CDKL3: variants seen among roughly 807,000 people sequenced by gnomAD.
CDKL3 encodes the protein cyclin dependent kinase like 3, also known as cyclin-dependent kinase-like 3.
A neutral mutation model predicts 69.3 loss-of-function variants in CDKL3; 65 were observed. That is an observed-to-expected ratio of 0.94 (90% CI 0.77 to 1.15). The LOEUF is 1.15. CDKL3 is among the 50% of genes most tolerant of loss of function. The pLI is 0.00. For synonymous variants in CDKL3, 202 were observed against 221.6 expected, an observed-to-expected ratio of 0.91 and a Z score of 0.79; for missense variants, 652 against 689.2, an observed-to-expected ratio of 0.95 and a Z score of 0.61.
chr5:134,355,254 A>AG, intron 3 of CDKL3, among the ~76,000 whole-genome samples: 1 of 151,960 alleles, frequency 6.6e-6, no homozygotes, highest in East Asian at 1.9e-4. Context: ...AAAAAAAAAA[A>AG]AACAGATATA....
chr5:134,334,715 G>A (rs1349670280), intron 4 of CDKL3, among the ~76,000 whole-genome samples: 1 of 152,186 alleles, frequency 6.6e-6, no homozygotes, highest in African/African-American at 2.4e-5. Context: ...CATTTGCTGA[G>A]GAGTGTTTTA....
chr5:134,285,832 T>C (rs1049331114), downstream of CDKL3, among the ~76,000 whole-genome samples: 1 of 152,236 alleles, frequency 6.6e-6, no homozygotes, highest in Non-Finnish European at 1.5e-5. Context: ...GCTTAGAAAT[T>C]TCTTCCACCA....
At chr5:134,333,719 A>G (rs1311505074) in intron 4 of CDKL3, among the ~76,000 whole-genome samples, 2 of 152,192 alleles carry the variant, frequency 1.3e-5, no homozygotes, top group Non-Finnish European at 2.9e-5. Flanking sequence ...GTTTGCCAGT[A>G]TTTTATTGAG....
Position 134,336,779 on chromosome 5 carries a change from G to A in CDKL3, c.539+13470C>T, listed in dbSNP as rs539531430. 3.3e-5 allele frequency among the ~76,000 whole-genome samples: 5 copies of A among 152,310 alleles called. No individual in the cohort carries two copies. In the South Asian group the frequency reaches 1.0e-3, roughly 32 times the overall value. On this transcript the variant is annotated intron_variant, in intron 4 of 12. Transcript: ENST00000265334. ...AGGTGTCGCCCAGTCAGGCTACATG[G>A]GGGTCAGGGACCCACTTGAGGAGGC...
At chr5:134,305,089 T>C (rs1403103567) in intron 10 of CDKL3, among the ~76,000 whole-genome samples, 1 of 151,634 alleles carries the variant, frequency 6.6e-6, no homozygotes, top group Non-Finnish European at 1.5e-5. Context: ...ATTACAAACA[T>C]GAGCCACTGC....
intron 2 of CDKL3, among the ~76,000 whole-genome samples, chr5:134,363,258 C>T (rs1026117375): frequency 7.9e-5 from 12 of 152,090 alleles, no homozygotes; most frequent in Admixed American, 1.3e-4. Flanking sequence ...AACATCTTTA[C>T]TGACTCACTT....
rs112989192 is a variant in CDKL3, at chr5:134,326,868, C to T, written c.540-4965G>A. Among the ~76,000 whole-genome samples the T allele has an allele frequency of 2.4e-3, 177 of 74,714 alleles. 1 individual carries two copies. Among genetic ancestry groups the T allele is most frequent in the African/African-American group, 6.5e-3 (84 of 12,950 alleles). The allele number at this position is 74,714 out of a possible 152,430, so 49.0% of individuals were successfully genotyped here. On this transcript the variant is annotated intron_variant, in intron 4 of 12. Transcript: ENST00000265334. ...ATATATATATATATATATATATATA[C>T]ACACACACACATAGTCCTTATAGTC...
rs1461138321 is a variant in CDKL3, at chr5:134,360,060, A to G, written c.197T>C (p.Ile66Thr). ...TTTCTTTTTCTGTCTAAAAACTTCAATCAGATTGACCAGGTTTTCGTGATG... is the reference window on the plus strand; with the variant it reads ...TTTCTTTTTCTGTCTAAAAACTTCAGTCAGATTGACCAGGTTTTCGTGATG... ...QFHHENLVNL[I>T]EVFRQKKKIH... Residue 66 changes from isoleucine (I) to threonine (T), a missense_variant, in exon 3 of 13, where the codon ATT (isoleucine) becomes ACT (threonine). Transcript: ENST00000265334. 1.9e-6 allele frequency: 3 copies of G among 1,548,298 alleles called. No homozygotes were observed. Among genetic ancestry groups the G allele is most frequent in the African/African-American group, 2.7e-5 (2 of 73,244 alleles).
chr5:134,366,688 C>G (rs1211963990), intron 1 of CDKL3, 144 bp from the exon 2 acceptor site: 6 of 697,868 alleles, frequency 8.6e-6, no homozygotes, highest in Non-Finnish European at 1.3e-5. Context: ...TTCCACTGAG[C>G]CTTTTTGTCT....
At chr5:134,354,663 C>T (rs1490189904) in intron 3 of CDKL3, among the ~76,000 whole-genome samples, 1 of 152,094 alleles carries the variant, frequency 6.6e-6, no homozygotes, top group Non-Finnish European at 1.5e-5. Flanking sequence ...GATACCGCTT[C>T]AGGAGCCGGG....
upstream of CDKL3, among the ~76,000 whole-genome samples, chr5:134,369,162 G>A (rs990558664): frequency 1.3e-5 from 2 of 152,182 alleles, no homozygotes; most frequent in African/African-American, 4.8e-5. Context: ...CTACAAGTAG[G>A]TTATGGCAGG....
At chr5:134,298,408 T>C (rs1765509574), downstream of CDKL3, 20 of 1,290,698 alleles carry the variant, frequency 1.5e-5, no homozygotes, top group Non-Finnish European at 1.9e-5. Flanking sequence ...TCAGTAATCA[T>C]GGCAAAAAAA....
intron 9 of CDKL3, 148 bp downstream of exon 9, chr5:134,307,990 C>T (rs554172683): frequency 1.6e-6 from 2 of 1,239,508 alleles, no homozygotes; most frequent in East Asian, 5.4e-5. Flanking sequence ...CCATAAGAAA[C>T]ACTCAGTAAA....
At chr5:134,348,941 G>A (rs1454699215) in intron 4 of CDKL3, among the ~76,000 whole-genome samples, 1 of 152,074 alleles carries the variant, frequency 6.6e-6, no homozygotes, top group Non-Finnish European at 1.5e-5. Flanking sequence ...GTCTGTACAG[G>A]GTATCAACGG....
intron 4 of CDKL3, among the ~76,000 whole-genome samples, chr5:134,337,517 C>T (rs767697913): frequency 1.1e-4 from 17 of 152,104 alleles, no homozygotes; most frequent in Non-Finnish European, 1.9e-4. Context: ...TTTCTTAAAA[C>T]AAGTTATCCA....
chr5:134,293,281 A>G (rs191078901), intron 8 of CDKL3, among the ~76,000 whole-genome samples: 1 of 151,754 alleles, frequency 6.6e-6, no homozygotes, highest in East Asian at 1.9e-4. Context: ...CGGCCTCCCA[A>G]AATGCTGGGA....
intron 12 of CDKL3, chr5:134,299,787 C>A (rs1301116733): frequency 7.5e-7 from 1 of 1,328,970 alleles, no homozygotes; most frequent in African/African-American, 1.5e-5. Flanking sequence ...TAATTGAGGA[C>A]ATGGTGAGTC....
rs1752973946 is a variant in CDKL3 at position 134,350,440 on chromosome 5, CAG to C, written c.361-15_361-14del. 6.7e-7 allele frequency: 1 copy of C among 1,489,064 alleles called. No individual in the cohort carries two copies. Among genetic ancestry groups the C allele is most frequent in the African/African-American group, 1.4e-5 (1 of 71,610 alleles). The allele number at this position is 1,489,064 out of a possible 1,614,324, so 92.2% of individuals were successfully genotyped here. On this transcript the variant is annotated splice_polypyrimidine_tract_variant and intron_variant, in intron 3 of 12. Coordinates refer to ENST00000265334, the MANE Select transcript of CDKL3 (RefSeq NM_001113575.2). ...CTCGATGAATGATCTAAAAAACAAA[CAG>C]AATACAAAATACATTAAAATGAGAT... is the stretch of plus-strand genomic sequence containing the variant.
chr5:134,312,396 G>T lies in CDKL3; in HGVS notation c.793-16C>A, dbSNP rs751506834. On this transcript the variant is annotated splice_polypyrimidine_tract_variant and intron_variant, in intron 6 of 12. Transcript: ENST00000265334. ...GTAAACAAGCCTAGGAAAGGAAAAA[G>T]ATTTTAATAAGTGAGCTCTCAACAG... 3 of 1,475,310 alleles carry T rather than the reference G, an allele frequency of 2.0e-6. No homozygotes were observed. Among genetic ancestry groups the T allele is most frequent in the South Asian group, 1.3e-5 (1 of 79,352 alleles). 91.4% of individuals were successfully genotyped at this position (1,475,310 alleles called of 1,614,324 possible).
Sources: gnomAD v4.1 joint callset for allele counts (sites outside exome capture counted in the v4.1 genomes callset) on GRCh38, gnomAD v4.1.1 for gene constraint, MANE v1.5 for transcripts, NCBI Gene and HGNC (gene_info 2026-07-23, HGNC 2026-07-21) for gene names.